Variants in CNTRL observed in about 807,000 individuals in gnomAD.
CNTRL encodes the protein 110 kDa centrosomal protein.
Under a neutral mutation model 303.7 loss-of-function variants are expected in CNTRL, and 233 were observed. That is an observed-to-expected ratio of 0.77 (90% confidence interval 0.69 to 0.86). The LOEUF is 0.86. Among genes scored for constraint, CNTRL ranks in the 40% least tolerant of loss-of-function variants. The pLI is 0.00. For synonymous variants in CNTRL, 900 were observed against 922.2 expected (o/e 0.98, Z 0.44); for missense variants, 2,524 against 2,650.6 (o/e 0.95, Z 1.05).
intron 12 of CNTRL, chr9:121,122,406 C>A: frequency 1.0e-6 from 1 of 984,820 alleles, no homozygotes; most frequent in East Asian, 1.1e-4. Flanking sequence ...AATGAAGAGA[C>A]GTTTCTTTCT....
intron 14 of CNTRL, among the ~76,000 whole-genome samples, chr9:121,126,322 T>C (rs1487565742): frequency 2.6e-5 from 4 of 152,198 alleles, no homozygotes; most frequent in Admixed American, 2.6e-4. Context: ...ATTTTAACAT[T>C]ATTTTATAGC....
chr9:121,101,723 C>T (rs1177614695), intron 7 of CNTRL, among the ~76,000 whole-genome samples: 2 of 152,142 alleles, frequency 1.3e-5, no homozygotes, highest in Non-Finnish European at 2.9e-5. Context: ...GGAGATATCA[C>T]CACCAATCCC....
Position 121,140,729 on chromosome 9 carries a change from T to C in CNTRL, c.2426T>C (p.Val809Ala), listed in dbSNP as rs570252872. 1 of 1,613,520 alleles carries C rather than the reference T, an allele frequency of 6.2e-7. No individual in the cohort carries two copies. Among genetic ancestry groups the C allele is most frequent in the East Asian group, 2.2e-5 (1 of 44,826 alleles). Residue 809 changes from valine to alanine, a missense_variant, in exon 17 of 44, where the codon GTG becomes GCG. Transcript: ENST00000373855. ...VVDGLVRPEE[V>A]AARVDELRRK... Reference sequence around the variant, plus strand: ...GATGGTTTGGTTCGTCCAGAAGAAGTGGCAGCTCGTGTGGATGAGCTAAGA... The same window carrying C: ...GATGGTTTGGTTCGTCCAGAAGAAGCGGCAGCTCGTGTGGATGAGCTAAGA...
chr9:121,118,666 A>G (rs2050089476), intron 12 of CNTRL, 126 bp downstream of exon 12: 1 of 666,348 alleles, frequency 1.5e-6, no homozygotes, highest in Non-Finnish European at 2.3e-6. Flanking sequence ...TAAGTGATAT[A>G]TACATACAGT....
intron 16 of CNTRL, among the ~76,000 whole-genome samples, chr9:121,139,098 T>C (rs1334398701): frequency 6.6e-6 from 1 of 152,190 alleles, no homozygotes; most frequent in Non-Finnish European, 1.5e-5. Flanking sequence ...GGATTTCTTA[T>C]CTGTAAATAG....
chr9:121,177,457 AAC>A lies in CNTRL; in HGVS notation c.*273_*274del, dbSNP rs1491419416. On this transcript the variant is annotated 3_prime_UTR_variant, in exon 44 of 44. Coordinates refer to ENST00000373855, the MANE Select transcript of CNTRL (RefSeq NM_007018.6). The stretch of plus-strand genomic sequence containing the variant: ...AATCTTCGTAACATGTTTAAAAAAA[AAC>A]AGTGATTTTAACTGCATATTTGAAC... The A allele has an allele frequency of 1.3e-5, 5 of 372,368 alleles. No individual in the cohort carries two copies. Among genetic ancestry groups the A allele is most frequent in the Non-Finnish European group, 2.4e-5 (5 of 210,636 alleles). The allele number at this position is 372,368 out of a possible 1,614,324, so 23.1% of individuals were successfully genotyped here. A position where few individuals can be genotyped will look rare whatever the true frequency, so the allele number is the denominator to read the frequency against.
At chr9:121,129,543 A>T (rs1169100675) in intron 14 of CNTRL, among the ~76,000 whole-genome samples, 1 of 152,178 alleles carries the variant, frequency 6.6e-6, no homozygotes. Flanking sequence ...GGCTGAGACG[A>T]TGGGGTTTTC....
intron 36 of CNTRL, 90 bp downstream of exon 36, chr9:121,166,270 C>T: frequency 1.2e-6 from 1 of 844,458 alleles, no homozygotes; most frequent in Non-Finnish European, 1.9e-6. Flanking sequence ...AGGCTGGTTC[C>T]TCTTCACAAC....
intron 14 of CNTRL, among the ~76,000 whole-genome samples, chr9:121,128,982 TC>T (rs758392340): frequency 4.6e-5 from 7 of 152,238 alleles, no homozygotes; most frequent in Non-Finnish European, 8.8e-5. Flanking sequence ...CAGTCTCTGT[TC>T]TGTTCCATTG....
rs762517171 is a variant in CNTRL, at chr9:121,142,189, A to G, written c.2790A>G (p.Gln930=). 2.9e-5 allele frequency: 46 copies of G among 1,613,064 alleles called. No homozygotes were observed. Among genetic ancestry groups the G allele is most frequent in the Non-Finnish European group, 3.8e-5 (45 of 1,179,576 alleles). Residue 930 remains glutamine, a synonymous_variant, in exon 19 of 44, where the codon CAA becomes CAG. Transcript: ENST00000373855. ...QENLKSMEEI[Q]GLTDLQLQEA... ...ATCTAAAAAGTATGGAGGAAATCCA[A>G]GGCCTTACAGATCTCCAACTTCAGG...
intron 23 of CNTRL, among the ~76,000 whole-genome samples, chr9:121,147,292 C>T (rs1462357021): frequency 1.3e-5 from 2 of 152,174 alleles, no homozygotes; most frequent in Non-Finnish European, 2.9e-5. Flanking sequence ...CGTGAGCCAT[C>T]ACCGTGCCCA....
intron 26 of CNTRL, 74 bp downstream of exon 26, chr9:121,152,767 T>TA: frequency 2.6e-6 from 3 of 1,161,246 alleles, no homozygotes; most frequent in Non-Finnish European, 2.5e-6. Context: ...GAACTTTCTA[T>TA]AATCTTGGAA....
chr9:121,087,038 T>C (rs1321049531), intron 2 of CNTRL, among the ~76,000 whole-genome samples: 2 of 152,180 alleles, frequency 1.3e-5, no homozygotes, highest in African/African-American at 4.8e-5. Flanking sequence ...TGTAGACAGA[T>C]CAGTTAGAAG....
chr9:121,132,905 G>T (rs774806205), intron 14 of CNTRL, among the ~76,000 whole-genome samples: 29 of 152,246 alleles, frequency 1.9e-4, no homozygotes, highest in Middle Eastern at 3.4e-3. Context: ...TCAGCTGCTG[G>T]TCTGTTGGAG....
At position 121,157,613 on chromosome 9, in the gene CNTRL, C is replaced by T. The variant is rs2052637575; in HGVS notation, c.4496+13C>T. ...ATCAGCAGCTAAGGTAGGTGGATTC[C>T]CTAAGCCGTTGATGTATACATTGAG... On this transcript the variant is annotated intron_variant, in intron 28 of 43. Transcript: ENST00000373855. 6.2e-7 allele frequency: 1 copy of T among 1,612,622 alleles called. No homozygotes were observed. The highest frequency in any genetic ancestry group is 1.1e-5 in the South Asian group (1 of 90,996).
Position 121,158,639 on chromosome 9 carries a change from T to C in CNTRL, c.4765-216T>C, listed in dbSNP as rs181967201. The C allele has an allele frequency of 1.4e-4, 70 of 511,678 alleles. No individual in the cohort carries two copies. In the Admixed American group the frequency reaches 1.6e-3, roughly 11 times the overall value. The allele number at this position is 511,678 out of a possible 1,614,324, so 31.7% of individuals were successfully genotyped here. A position where few individuals can be genotyped will look rare whatever the true frequency, so the allele number is the denominator to read the frequency against. On this transcript the variant is annotated intron_variant, in intron 30 of 43. Coordinates refer to ENST00000373855, the MANE Select transcript of CNTRL (RefSeq NM_007018.6). ...GATGATCATGATTATCATATTGTTG[T>C]TCTTACTGTGATCACTGTGATTTGA...
intron 7 of CNTRL, among the ~76,000 whole-genome samples, chr9:121,100,614 C>A (rs1156753652): frequency 2.0e-5 from 3 of 152,266 alleles, no homozygotes; most frequent in Middle Eastern, 6.8e-3. Context: ...CGCAGACTGG[C>A]AAATTGGATA....
At chr9:121,162,676 A>G (rs2052908964) in intron 34 of CNTRL, among the ~76,000 whole-genome samples, 1 of 152,190 alleles carries the variant, frequency 6.6e-6, no homozygotes, top group Non-Finnish European at 1.5e-5. Context: ...TGAACCTAGA[A>G]TCGAATTATT....
chr9:121,090,157 C>A, intron 3 of CNTRL, 118 bp from the exon 4 acceptor site: 1 of 636,778 alleles, frequency 1.6e-6, no homozygotes, highest in Non-Finnish European at 2.3e-6. Context: ...AAATAGCCAG[C>A]TTTTTTGGTA....
Sources: gnomAD v4.1 joint callset for allele counts (sites outside exome capture counted in the v4.1 genomes callset) on GRCh38, gnomAD v4.1.1 for gene constraint, MANE v1.5 for transcripts, NCBI Gene and HGNC (gene_info 2026-07-23, HGNC 2026-07-21) for gene names.